The following HSPA4 variants were observed in gnomAD, a reference collection of about 807,000 sequenced individuals.
The protein encoded by HSPA4 is heat shock 70 kDa protein 4.
In HSPA4, 25 loss-of-function variants were observed where a neutral mutation model predicts 106.2. The ratio of observed to expected loss-of-function variants is 0.24; its 90% CI spans 0.17 to 0.33. The LOEUF is 0.33. Ranked by LOEUF, HSPA4 falls within the 10% of genes least tolerant of loss-of-function variation. The pLI, the probability that HSPA4 is intolerant of heterozygous loss-of-function variation, is 1.00. For missense variants in HSPA4, 841 were observed against 996.0 expected (o/e 0.84, Z 2.10); for synonymous variants, 332 against 333.6 (o/e 1.00, Z 0.05).
chr5:133,054,455 C>T (rs1288724888), intron 1 of HSPA4, among the ~76,000 whole-genome samples: 2 of 152,246 alleles, frequency 1.3e-5, no homozygotes, highest in Middle Eastern at 3.4e-3. Flanking sequence ...CTGCCTGCCT[C>T]GGCTTTCCAA....
chr5:133,088,361 C>A, intron 8 of HSPA4, 43 bp from the exon 9 acceptor site: 1 of 1,390,422 alleles, frequency 7.2e-7, no homozygotes, highest in Non-Finnish European at 1.0e-6. Context: ...TGTTATTGTT[C>A]TTTCATTTCA....
intron 1 of HSPA4, among the ~76,000 whole-genome samples, chr5:133,055,560 GCTTC>G (rs2126691072): frequency 6.6e-6 from 1 of 152,060 alleles, no homozygotes; most frequent in East Asian, 1.9e-4. Flanking sequence ...CCCAATTTAG[GCTTC>G]CTTCATTTTA....
chr5:133,072,872 A>G (rs541457288), intron 4 of HSPA4, among the ~76,000 whole-genome samples: 47 of 152,306 alleles, frequency 3.1e-4, no homozygotes, highest in South Asian at 1.0e-3. Context: ...AATTTTTTCT[A>G]TTGATTTAGT....
rs755082542 is a variant in HSPA4, at chr5:133,067,382, G to C, written c.166-35G>C. ...TGTTGAAATAAAAAAAAAATTAGTAGTAGTCTTTCCACTCTTTGATATTCT... is the reference window on the plus strand; with the variant it reads ...TGTTGAAATAAAAAAAAAATTAGTACTAGTCTTTCCACTCTTTGATATTCT... On this transcript the variant is annotated intron_variant, in intron 2 of 18. Transcript: ENST00000304858. 5.8e-6 allele frequency: 9 copies of C among 1,552,002 alleles called. No homozygotes were observed. In the East Asian group the frequency reaches 1.4e-4, roughly 23 times the overall value.
chr5:133,082,188 A>G (rs978122769), intron 7 of HSPA4, among the ~76,000 whole-genome samples: 1 of 152,236 alleles, frequency 6.6e-6, no homozygotes, highest in African/African-American at 2.4e-5. Context: ...ATTTTGTATG[A>G]TTCTATTTAT....
At chr5:133,084,165 C>T (rs1169255737) in intron 7 of HSPA4, among the ~76,000 whole-genome samples, 2 of 152,148 alleles carry the variant, frequency 1.3e-5, no homozygotes, top group Admixed American at 1.3e-4. Context: ...TTTGCCAATT[C>T]TGTAACTTCT....
At chr5:133,081,094 C>G (rs1581473784) in intron 7 of HSPA4, among the ~76,000 whole-genome samples, 1 of 152,210 alleles carries the variant, frequency 6.6e-6, no homozygotes, top group East Asian at 1.9e-4. Flanking sequence ...GTCACCCAGG[C>G]TGGAGTGCAG....
intron 2 of HSPA4, 87 bp downstream of exon 2, chr5:133,065,124 A>G: frequency 9.1e-7 from 1 of 1,093,304 alleles, no homozygotes; most frequent in South Asian, 1.3e-5. Flanking sequence ...TTATGTGCCT[A>G]ACACTGGTAG....
chr5:133,087,649 A>G (rs1765594786), intron 8 of HSPA4, among the ~76,000 whole-genome samples: 1 of 152,058 alleles, frequency 6.6e-6, no homozygotes, highest in Non-Finnish European at 1.5e-5. Context: ...TTGAGATGGG[A>G]GTCTTGCTCT....
intron 17 of HSPA4, among the ~76,000 whole-genome samples, chr5:133,103,564 T>G (rs1257625009): frequency 1.3e-5 from 2 of 152,194 alleles, no homozygotes; most frequent in Non-Finnish European, 2.9e-5. Flanking sequence ...GTAATTTTTT[T>G]GCATTGTGAA....
chr5:133,070,524 G>A, intron 4 of HSPA4, 28 bp downstream of exon 4: 1 of 1,610,420 alleles, frequency 6.2e-7, no homozygotes. Flanking sequence ...ACATTATTGG[G>A]AATTTGCATG....
At chr5:133,087,180 A>G (rs1286325931) in intron 8 of HSPA4, among the ~76,000 whole-genome samples, 3 of 152,200 alleles carry the variant, frequency 2.0e-5, no homozygotes, top group Non-Finnish European at 2.9e-5. Flanking sequence ...CTGTCAGTGA[A>G]TTCTTCCCTA....
intron 16 of HSPA4, among the ~76,000 whole-genome samples, chr5:133,100,250 GAC>G (rs1220094372): frequency 1.3e-5 from 2 of 151,470 alleles, no homozygotes; most frequent in African/African-American, 4.9e-5. Flanking sequence ...TTTTAGTAGA[GAC>G]AGGGTTTCTT....
At chr5:133,062,181 G>C (rs923872723) in intron 1 of HSPA4, among the ~76,000 whole-genome samples, 8 of 152,112 alleles carry the variant, frequency 5.3e-5, no homozygotes, top group Non-Finnish European at 1.5e-5. Context: ...TTTATTTGTT[G>C]GTAGTTGGTT....
At position 133,052,783 on chromosome 5, in the gene HSPA4, TCGAA is replaced by T. The variant is rs1216724451; in HGVS notation, c.107+429_107+432del. ...CAGCAGGCGCTTAATAATAGTTGAA[TCGAA>T]CGGGTTCTGGGGCTTGCCAGCCGCG... is the stretch of plus-strand genomic sequence containing the variant. On this transcript the variant is annotated intron_variant, in intron 1 of 18. Transcript: ENST00000304858. The T allele has an allele frequency of 1.9e-5, 3 of 155,878 alleles. No homozygotes were observed. The Admixed American group carries it at 1.9e-4, about 10-fold the overall frequency. 9.7% of individuals were successfully genotyped at this position (155,878 alleles called of 1,614,324 possible).
chr5:133,087,601 CTG>C (rs1385468864), intron 8 of HSPA4, among the ~76,000 whole-genome samples: 2 of 152,092 alleles, frequency 1.3e-5, no homozygotes, highest in Non-Finnish European at 2.9e-5. Context: ...TACGAAGAAA[CTG>C]TACCTGTAGT....
Position 133,067,561 on chromosome 5 carries a change from A to C in HSPA4, c.306+4A>C. 6.2e-7 allele frequency: 1 copy of C among 1,606,096 alleles called. No individual in the cohort carries two copies. Among genetic ancestry groups the C allele is most frequent in the Non-Finnish European group, 8.5e-7 (1 of 1,175,384 alleles). Reference sequence around the variant, plus strand: ...TACAGGATTAACAGGTATAAAGGTAAGGTTGTCAGGTTAATGCCTTTTAAT... The same window carrying C: ...TACAGGATTAACAGGTATAAAGGTACGGTTGTCAGGTTAATGCCTTTTAAT... On this transcript the variant is annotated splice_donor_region_variant and intron_variant, in intron 3 of 18. Transcript: ENST00000304858.
chr5:133,083,397 T>C (rs2126707843), intron 7 of HSPA4, among the ~76,000 whole-genome samples: 1 of 152,322 alleles, frequency 6.6e-6, no homozygotes, highest in African/African-American at 2.4e-5. Flanking sequence ...TCAGATAGTT[T>C]CAGACATGCA....
At position 133,052,370 on chromosome 5, in the gene HSPA4, C is replaced by T. The variant is rs753358115; in HGVS notation, c.107+13C>T. ...ACCGCTGCACGCCGTAAGTGTGGGC[C>T]GGGCCTGCCGCGTGCACTGGGGTTA... On this transcript the variant is annotated intron_variant, in intron 1 of 18. Coordinates refer to ENST00000304858, the MANE Select transcript of HSPA4 (RefSeq NM_002154.4). 2.7e-6 allele frequency: 4 copies of T among 1,492,030 alleles called. No individual in the cohort carries two copies. The highest frequency in any genetic ancestry group is 5.0e-5 in the East Asian group (2 of 40,332). The allele number at this position is 1,492,030 out of a possible 1,614,324, so 92.4% of individuals were successfully genotyped here.
Sources: allele counts gnomAD v4.1 joint callset (sites outside exome capture counted in the v4.1 genomes callset), GRCh38; gene constraint gnomAD v4.1.1; transcripts MANE v1.5; gene names NCBI Gene and HGNC (gene_info 2026-07-23, HGNC 2026-07-21).